The following ESRRG variants were observed in gnomAD, a reference collection of about 807,000 sequenced individuals.
The protein encoded by ESRRG is estrogen related receptor gamma, also known as estrogen-related receptor gamma.
A neutral mutation model predicts 44.0 loss-of-function variants in ESRRG; 13 were observed. That is an observed-to-expected ratio of 0.30 (90% CI 0.19 to 0.47). ESRRG has a LOEUF of 0.47. ESRRG is among the 20% of genes least tolerant of loss of function. The pLI is 1.00. For synonymous variants in ESRRG, 215 were observed against 214.6 expected, an observed-to-expected ratio of 1.00 and a Z score of -0.02; for missense variants, 395 against 580.6, an observed-to-expected ratio of 0.68 and a Z score of 3.29.
At chr1:217,027,081 G>C (rs2081334331) in intron 1 of ESRRG, among the ~76,000 whole-genome samples, 2 of 152,014 alleles carry the variant, frequency 1.3e-5, no homozygotes, top group African/African-American at 4.8e-5. Flanking sequence ...ATCTTTAAAG[G>C]TAAGAATTCT....
At chr1:216,920,776 G>A (rs544075809) in intron 2 of ESRRG, among the ~76,000 whole-genome samples, 5 of 152,314 alleles carry the variant, frequency 3.3e-5, no homozygotes, top group African/African-American at 9.6e-5. Flanking sequence ...CCCAGGATCT[G>A]TCCTGGAACA....
intron 1 of ESRRG, among the ~76,000 whole-genome samples, chr1:216,992,863 A>C (rs538606564): frequency 6.6e-6 from 1 of 152,258 alleles, no homozygotes; most frequent in South Asian, 2.1e-4. Context: ...ATGCCTCATT[A>C]TGTCCTTCCG....
intron 1 of ESRRG, among the ~76,000 whole-genome samples, chr1:217,124,356 A>G (rs1043616061): frequency 2.0e-5 from 3 of 152,226 alleles, no homozygotes; most frequent in Non-Finnish European, 2.9e-5. Flanking sequence ...CTGGGATAGT[A>G]CTATATTTCT....
At chr1:216,775,551 C>CTTTTTTTTTTTTTTTTT (rs71163765) in intron 2 of ESRRG, among the ~76,000 whole-genome samples, 1 of 74,834 alleles carries the variant, frequency 1.3e-5, no homozygotes, top group African/African-American at 4.7e-5. Context: ...AATGTCACAT[C>CTTTTTTTTTTTTTTTTT]TTTTTTTTTT....
chr1:216,794,409 T>C (rs1162056045), intron 2 of ESRRG, among the ~76,000 whole-genome samples: 1 of 152,136 alleles, frequency 6.6e-6, no homozygotes, highest in Non-Finnish European at 1.5e-5. Flanking sequence ...GTAGCAGGAG[T>C]TAGTTCTGAT....
intron 3 of ESRRG, among the ~76,000 whole-genome samples, chr1:216,609,806 T>A (rs1453652285): frequency 6.6e-6 from 1 of 152,252 alleles, no homozygotes; most frequent in East Asian, 1.9e-4. Context: ...TGGCACTTCC[T>A]GTCAAAATCT....
chr1:216,878,925 C>T (rs2818810), intron 2 of ESRRG, among the ~76,000 whole-genome samples: 75,113 of 152,018 alleles, frequency 0.49, 21,216 homozygotes, highest in African/African-American at 0.78. Flanking sequence ...TCCCAGTACA[C>T]GGCATAGTAC....
intron 6 of ESRRG, among the ~76,000 whole-genome samples, chr1:216,518,920 A>G (rs969477400): frequency 6.6e-6 from 1 of 152,226 alleles, no homozygotes; most frequent in East Asian, 1.9e-4. Flanking sequence ...TAGTACATGC[A>G]TTAGTTGATA....
At chr1:217,132,835 G>A (rs2092984680) in intron 1 of ESRRG, among the ~76,000 whole-genome samples, 1 of 152,130 alleles carries the variant, frequency 6.6e-6, no homozygotes, top group Non-Finnish European at 1.5e-5. Flanking sequence ...CCATTTTCCA[G>A]AGTTGCTTGA....
intron 5 of ESRRG, among the ~76,000 whole-genome samples, chr1:216,523,509 T>G (rs1469556136): frequency 6.6e-6 from 1 of 151,754 alleles, no homozygotes; most frequent in Non-Finnish European, 1.5e-5. Context: ...TTTGTTTTTT[T>G]TTTTTTTTAG....
chr1:216,721,362 A>C (rs563575800), intron 1 of ESRRG, among the ~76,000 whole-genome samples: 2 of 152,344 alleles, frequency 1.3e-5, no homozygotes, highest in South Asian at 4.1e-4. Context: ...AGCATGTATA[A>C]ATTCTGTGGT....
chr1:216,941,376 C>T (rs1486449175), intron 1 of ESRRG, among the ~76,000 whole-genome samples: 1 of 152,098 alleles, frequency 6.6e-6, no homozygotes, highest in Non-Finnish European at 1.5e-5. Context: ...TGTAATATTG[C>T]TAATGCTCAT....
At chr1:216,814,459 G>C (rs2095072681) in intron 2 of ESRRG, among the ~76,000 whole-genome samples, 6 of 152,166 alleles carry the variant, frequency 3.9e-5, no homozygotes, top group Admixed American at 3.9e-4. Flanking sequence ...CAGTTGTTTA[G>C]CCAAATCCAA....
intron 2 of ESRRG, 112 bp from the exon 3 acceptor site, chr1:216,651,201 C>A: frequency 1.4e-6 from 1 of 714,694 alleles, no homozygotes; most frequent in South Asian, 1.6e-5. Flanking sequence ...CAAAAAATGT[C>A]ACATGAGACT....
intron 1 of ESRRG, among the ~76,000 whole-genome samples, chr1:216,966,337 C>A (rs1295696285): frequency 6.6e-6 from 1 of 152,140 alleles, no homozygotes; most frequent in Non-Finnish European, 1.5e-5. Flanking sequence ...GATGGTTGTT[C>A]AGGCTGTCTA....
rs141512609 is a variant in ESRRG, at chr1:217,030,327, C to A, written c.-106+59180G>T. Among the ~76,000 whole-genome samples the A allele has an allele frequency of 8.7e-4, 132 of 152,236 alleles. No individual in the cohort carries two copies. In the East Asian group the frequency reaches 0.024, roughly 28 times the overall value. ...CCATAAGTAGAACCAGACACTGAGC[C>A]ACGCATGGGATAAACAGACCACCAT... On this transcript the variant is annotated intron_variant, in intron 1 of 7. Coordinates refer to the ESRRG transcript ENST00000359162.
intron 2 of ESRRG, among the ~76,000 whole-genome samples, chr1:216,813,597 A>C (rs772068059): frequency 6.6e-6 from 1 of 152,126 alleles, no homozygotes; most frequent in Non-Finnish European, 1.5e-5. Context: ...TCTTCGCTTG[A>C]CCAATGGTGA....
rs75768629 is a variant in ESRRG, at chr1:216,595,780, G to A, written c.590-27682C>T. On this transcript the variant is annotated intron_variant, in intron 3 of 6. Transcript: ENST00000408911. ...TCCCTCAAAGACCCTGGGATCAACT[G>A]CCAATTTTATTTTCTACAATGCTGG... 5.7e-3 allele frequency among the ~76,000 whole-genome samples: 871 copies of A among 152,188 alleles called. 7 individuals are homozygous for A. The highest frequency in any genetic ancestry group is 0.016 in the African/African-American group (663 of 41,522).
chr1:216,618,381 C>G (rs2061707637), intron 3 of ESRRG, among the ~76,000 whole-genome samples: 1 of 152,182 alleles, frequency 6.6e-6, no homozygotes, highest in Non-Finnish European at 1.5e-5. Flanking sequence ...GGGGTTCAAT[C>G]TATGAATAAA....
Sources: gnomAD v4.1 joint callset for allele counts (sites outside exome capture counted in the v4.1 genomes callset) on GRCh38, gnomAD v4.1.1 for gene constraint, MANE v1.5 for transcripts, NCBI Gene and HGNC (gene_info 2026-07-23, HGNC 2026-07-21) for gene names.